The following FSTL4 variants were observed in gnomAD, a reference collection of about 807,000 sequenced individuals.
FSTL4 encodes the protein follistatin like 4, also known as follistatin-related protein 4.
Under a neutral mutation model 78.2 loss-of-function variants are expected in FSTL4, and 28 were observed. That is an observed-to-expected ratio of 0.36 (90% CI 0.27 to 0.49). The LOEUF is 0.49. Among genes scored for constraint, FSTL4 ranks in the 20% least tolerant of loss-of-function variants. The pLI is 0.98. For synonymous variants in FSTL4, 422 were observed against 440.5 expected, an observed-to-expected ratio of 0.96 and a Z score of 0.53; for missense variants, 922 against 1,084.9, an observed-to-expected ratio of 0.85 and a Z score of 2.11.
At chr5:133,473,166 C>T (rs1757859155) in intron 3 of FSTL4, among the ~76,000 whole-genome samples, 1 of 152,062 alleles carries the variant, frequency 6.6e-6, no homozygotes, top group Non-Finnish European at 1.5e-5. Context: ...CCAATGTGTT[C>T]TAATCTAGTG....
At chr5:133,693,658 T>TAA in the FSTL4 span, among the ~76,000 whole-genome samples, 1 of 152,252 alleles carries the variant, frequency 6.6e-6, no homozygotes, top group Admixed American at 6.5e-5. Context: ...CATTTTGTGC[T>TAA]GCTCTAACAG....
chr5:133,623,839 A>G, the FSTL4 span, among the ~76,000 whole-genome samples: 4 of 152,178 alleles, frequency 2.6e-5, no homozygotes, highest in Admixed American at 2.6e-4. Flanking sequence ...TTCTTCAGAG[A>G]AGATATACAA....
the FSTL4 span, among the ~76,000 whole-genome samples, chr5:133,822,156 C>G: frequency 6.6e-6 from 1 of 152,192 alleles, no homozygotes; most frequent in East Asian, 1.9e-4. Context: ...CCCTGATAAA[C>G]AGAGTTCACC....
chr5:133,658,924 CA>C, the FSTL4 span, among the ~76,000 whole-genome samples: 1 of 152,024 alleles, frequency 6.6e-6, no homozygotes, highest in Admixed American at 6.5e-5. Flanking sequence ...AATTTCCAGA[CA>C]TATAGGGTTT....
the FSTL4 span, among the ~76,000 whole-genome samples, chr5:133,729,283 A>G: frequency 2.6e-4 from 39 of 152,272 alleles, no homozygotes; most frequent in Admixed American, 9.2e-4. Context: ...CCAGGCAGCC[A>G]TATAACTGAA....
At chr5:133,450,230 C>A (rs1259005564) in intron 3 of FSTL4, among the ~76,000 whole-genome samples, 2 of 151,936 alleles carry the variant, frequency 1.3e-5, no homozygotes, top group African/African-American at 2.4e-5. Flanking sequence ...TCAGGGGAGA[C>A]TTTTACAGGC....
intron 6 of FSTL4, chr5:133,270,281 A>AT: frequency 6.6e-6 from 1 of 152,214 alleles, no homozygotes; most frequent in Admixed American, 6.5e-5. Flanking sequence ...AGATCTAGCT[A>AT]TTGAGGCTAC....
chr5:133,408,381 C>G (rs1561706197), intron 3 of FSTL4, among the ~76,000 whole-genome samples: 1 of 152,138 alleles, frequency 6.6e-6, no homozygotes, highest in Non-Finnish European at 1.5e-5. Flanking sequence ...CCCAGCCTCA[C>G]AAAAAGACCC....
chr5:133,628,471 T>G, the FSTL4 span, among the ~76,000 whole-genome samples: 1 of 152,064 alleles, frequency 6.6e-6, no homozygotes, highest in Non-Finnish European at 1.5e-5. Flanking sequence ...GTGATTCTCC[T>G]GCCTCAGCCT....
intron 4 of FSTL4, among the ~76,000 whole-genome samples, chr5:133,364,809 C>T (rs559498111): frequency 6.6e-6 from 1 of 152,224 alleles, no homozygotes; most frequent in South Asian, 2.1e-4. Flanking sequence ...TCTTTGTGCC[C>T]GTGGTTTTAA....
At chr5:133,824,840 C>G in the FSTL4 span, among the ~76,000 whole-genome samples, 1 of 152,116 alleles carries the variant, frequency 6.6e-6, no homozygotes, top group Non-Finnish European at 1.5e-5. Flanking sequence ...TTTGAACTCT[C>G]AAGGTTGCTA....
At chr5:133,625,529 G>T in the FSTL4 span, among the ~76,000 whole-genome samples, 1 of 150,234 alleles carries the variant, frequency 6.7e-6, no homozygotes, top group African/African-American at 2.4e-5. Flanking sequence ...CTTTCTTAAG[G>T]TTTGGTGTCA....
At chr5:133,262,118 G>A (rs1473830637) in intron 6 of FSTL4, among the ~76,000 whole-genome samples, 3 of 152,116 alleles carry the variant, frequency 2.0e-5, no homozygotes, top group African/African-American at 4.8e-5. Context: ...AATAAACTGC[G>A]CTCTACCTGC....
the FSTL4 span, among the ~76,000 whole-genome samples, chr5:133,762,446 G>A: frequency 3.3e-5 from 5 of 152,146 alleles, no homozygotes; most frequent in Non-Finnish European, 7.4e-5. Context: ...AGACTATAAA[G>A]TCAAATAATC....
In FSTL4 at chr5:133,562,595, G is replaced by A. The variant is rs73281995; in HGVS notation, c.160+4591C>T. 1.2e-4 allele frequency among the ~76,000 whole-genome samples: 18 copies of A among 152,238 alleles called. 1 individual carries two copies. Among genetic ancestry groups the A allele is most frequent in the African/African-American group, 4.3e-4 (18 of 41,540 alleles). On this transcript the variant is annotated intron_variant, in intron 3 of 15. Coordinates refer to ENST00000265342, the MANE Select transcript of FSTL4 (RefSeq NM_015082.2). ...AGACAGCAGCAGCCCTCCTCTCCCG[G>A]GTTCCCTCACAGCCTTGCTAGAAGC...
rs1751280088 is a variant in FSTL4, at chr5:133,225,015, A to T, written c.1312+135T>A. ...GCCCTCCAATTCCAGCTTTATGCAA[A>T]GAGGGATATGAGGCTTACCCCTGTC... On this transcript the variant is annotated intron_variant, in intron 10 of 15. Coordinates refer to ENST00000265342, the MANE Select transcript of FSTL4 (RefSeq NM_015082.2). The surrounding 1 kb of genome is among the most constrained non-coding windows in gnomAD (Gnocchi z 4.6). The T allele has an allele frequency of 1.0e-6, 1 of 998,700 alleles. No individual in the cohort carries two copies. The highest frequency in any genetic ancestry group is 2.0e-5 in the Admixed American group (1 of 51,140). 61.9% of individuals were successfully genotyped at this position (998,700 alleles called of 1,614,324 possible). A position where few individuals can be genotyped will look rare whatever the true frequency, so the allele number is the denominator to read the frequency against.
chr5:133,689,002 G>T, the FSTL4 span, among the ~76,000 whole-genome samples: 1 of 152,202 alleles, frequency 6.6e-6, no homozygotes, highest in African/African-American at 2.4e-5. Flanking sequence ...CCTTGCTGCA[G>T]GCAGAGCGTC....
chr5:133,701,212 T>G, the FSTL4 span, among the ~76,000 whole-genome samples: 1 of 151,632 alleles, frequency 6.6e-6, no homozygotes, highest in East Asian at 2.0e-4. Flanking sequence ...ACAGCAGCCT[T>G]GCCAACATAG....
At chr5:133,240,004 T>C (rs1483253666) in intron 7 of FSTL4, among the ~76,000 whole-genome samples, 3 of 152,224 alleles carry the variant, frequency 2.0e-5, no homozygotes, top group Admixed American at 6.5e-5. Flanking sequence ...ACGCTGGGAT[T>C]CCTTTCCACG....
Sources: allele counts gnomAD v4.1 joint callset (sites outside exome capture counted in the v4.1 genomes callset), GRCh38; gene constraint gnomAD v4.1.1; non-coding constraint Gnocchi (gnomAD v3.1); transcripts MANE v1.5; gene names NCBI Gene and HGNC (gene_info 2026-07-23, HGNC 2026-07-21).